ZMYM1: variants seen among roughly 807,000 people sequenced by gnomAD.
The protein encoded by ZMYM1 is zinc finger MYM-type protein 1.
Under a neutral mutation model 60.0 loss-of-function variants are expected in ZMYM1, and 39 were observed. The observed-to-expected ratio is 0.65, with a 90% CI of 0.50 to 0.85. The LOEUF (loss-of-function observed/expected upper bound fraction) is 0.85, where lower values mean the gene tolerates loss of function less well. ZMYM1 is among the 40% of genes least tolerant of loss of function. The pLI, the probability that ZMYM1 is intolerant of heterozygous loss-of-function variation, is 0.00. For missense variants in ZMYM1, 1,171 were observed against 1,309.5 expected (o/e 0.89, Z 1.63); for synonymous variants, 413 against 454.0 (o/e 0.91, Z 1.15).
Position 35,115,473 on chromosome 1 carries a change from TTC to T in ZMYM1, c.*216_*217del. On this transcript the variant is annotated 3_prime_UTR_variant, in exon 10 of 10. Transcript: ENST00000359858. ...AAGTGGTATTGTACGGTGTATACTGTTCTTCAGCTTGTCTTCTCTGTGTAACA... is the reference window on the plus strand; with the variant it reads ...AAGTGGTATTGTACGGTGTATACTGTTTCAGCTTGTCTTCTCTGTGTAACA... The T allele has an allele frequency of 2.9e-6, 1 of 346,426 alleles. No homozygotes were observed. Among genetic ancestry groups the T allele is most frequent in the Non-Finnish European group, 5.1e-6 (1 of 196,746 alleles). 21.5% of individuals were successfully genotyped at this position (346,426 alleles called of 1,614,324 possible).
intron 1 of ZMYM1, among the ~76,000 whole-genome samples, chr1:35,081,532 G>A (rs1385532155): frequency 2.0e-5 from 3 of 152,062 alleles, no homozygotes; most frequent in East Asian, 1.9e-4. Context: ...CCATCAATGA[G>A]CATTTATTTA....
intron 1 of ZMYM1, among the ~76,000 whole-genome samples, chr1:35,072,942 C>G (rs1642093320): frequency 6.6e-6 from 1 of 152,014 alleles, no homozygotes; most frequent in East Asian, 1.9e-4. Context: ...ATTAGCCAGG[C>G]ATTGTGGTGG....
intron 4 of ZMYM1, among the ~76,000 whole-genome samples, chr1:35,102,003 C>T (rs1029710884): frequency 8.6e-5 from 13 of 151,964 alleles, no homozygotes; most frequent in African/African-American, 2.4e-4. Flanking sequence ...TGAAAAATAC[C>T]CATATTTTTA....
In ZMYM1 at chr1:35,104,284, T is replaced by C. The variant is rs369492151; in HGVS notation, c.420-11T>C. The C allele has an allele frequency of 1.8e-5, 28 of 1,555,350 alleles. No homozygotes were observed. Among genetic ancestry groups the C allele is most frequent in the Non-Finnish European group, 2.3e-5 (27 of 1,155,180 alleles). Reference sequence around the variant, plus strand: ...AAACTGTTTAATGATGTCCTTGTTATTTATTCTTAGAGACATTTTAAATCC... The same window carrying C: ...AAACTGTTTAATGATGTCCTTGTTACTTATTCTTAGAGACATTTTAAATCC... On this transcript the variant is annotated splice_polypyrimidine_tract_variant and intron_variant, in intron 4 of 9. Coordinates refer to ENST00000359858, the MANE Select transcript of ZMYM1 (RefSeq NM_024772.5).
rs1370279636 is a variant in ZMYM1, at chr1:35,114,422, C to G, written c.2592C>G (p.Phe864Leu). Residue 864 changes from phenylalanine to leucine, a missense_variant, in exon 10 of 10, where the codon TTC becomes TTG. Coordinates refer to ENST00000359858, the MANE Select transcript of ZMYM1 (RefSeq NM_024772.5). ...SKFEFVFCLK[F>L]LYRVLSVTGI... ...TTGAATTTGTCTTTTGTTTGAAATT[C>G]CTGTATCGAGTGCTGAGTGTTACAG... is the stretch of plus-strand genomic sequence containing the variant. 8 of 1,613,428 alleles carry G rather than the reference C, an allele frequency of 5.0e-6. No homozygotes were observed. Among genetic ancestry groups the G allele is most frequent in the South Asian group, 4.4e-5 (4 of 91,006 alleles).
At chr1:35,090,667 C>G (rs1384931083) in intron 1 of ZMYM1, among the ~76,000 whole-genome samples, 1 of 152,196 alleles carries the variant, frequency 6.6e-6, no homozygotes, top group Non-Finnish European at 1.5e-5. Flanking sequence ...ACTTATTTGA[C>G]TGGGTGTGGT....
chr1:35,063,881 T>C (rs1389361898), intron 1 of ZMYM1, among the ~76,000 whole-genome samples: 5 of 152,268 alleles, frequency 3.3e-5, no homozygotes, highest in African/African-American at 1.2e-4. Context: ...GAGGTGGCAC[T>C]AAAAGAGAAG....
chr1:35,093,977 C>G lies in ZMYM1; in HGVS notation c.-11C>G. 1 of 1,584,782 alleles carries G rather than the reference C, an allele frequency of 6.3e-7. No individual in the cohort carries two copies. Among genetic ancestry groups the G allele is most frequent in the Non-Finnish European group, 8.6e-7 (1 of 1,164,974 alleles). On this transcript the variant is annotated 5_prime_UTR_variant, in exon 2 of 10. The change creates a new upstream start codon in the 5' untranslated region. Coordinates refer to ENST00000359858, the MANE Select transcript of ZMYM1 (RefSeq NM_024772.5). ...TTGGAACTGGAGAATTCCTTTGCATCAGATACTAAAATGAAAGAACCACTT... is the reference window on the plus strand; with the variant it reads ...TTGGAACTGGAGAATTCCTTTGCATGAGATACTAAAATGAAAGAACCACTT...
intron 1 of ZMYM1, among the ~76,000 whole-genome samples, chr1:35,085,735 C>T (rs947101209): frequency 1.3e-5 from 2 of 152,172 alleles, no homozygotes; most frequent in African/African-American, 4.8e-5. Flanking sequence ...AGCCACCTAG[C>T]TCTAATAGGG....
chr1:35,064,303 A>C (rs948310636), intron 1 of ZMYM1, among the ~76,000 whole-genome samples: 3 of 149,008 alleles, frequency 2.0e-5, no homozygotes, highest in Non-Finnish European at 4.4e-5. Flanking sequence ...AAAAAAAAAA[A>C]AAAAAAAAAA....
intron 7 of ZMYM1, among the ~76,000 whole-genome samples, chr1:35,111,134 T>G (rs1644072555): frequency 6.6e-6 from 1 of 152,190 alleles, no homozygotes; most frequent in African/African-American, 2.4e-5. Context: ...TAGCCCTGTT[T>G]TGTAAAAACA....
chr1:35,091,908 A>AAG (rs1553140295), intron 1 of ZMYM1, among the ~76,000 whole-genome samples: 1 of 150,964 alleles, frequency 6.6e-6, no homozygotes, highest in Admixed American at 6.6e-5. Flanking sequence ...AAAAAAAAAA[A>AAG]AGAGAAAAAG....
chr1:35,105,935 C>T (rs1051462380), intron 6 of ZMYM1, among the ~76,000 whole-genome samples: 1 of 152,080 alleles, frequency 6.6e-6, no homozygotes, highest in African/African-American at 2.4e-5. Flanking sequence ...TTAACTCTTA[C>T]ACCAAACAAT....
chr1:35,088,805 CTT>C (rs375136566), intron 1 of ZMYM1, among the ~76,000 whole-genome samples: 51 of 119,586 alleles, frequency 4.3e-4, no homozygotes, highest in Non-Finnish European at 6.7e-4. Context: ...GGATGCTTTC[CTT>C]TTTTTTTTTT....
At chr1:35,069,242 C>T (rs979246812) in intron 1 of ZMYM1, among the ~76,000 whole-genome samples, 4 of 152,152 alleles carry the variant, frequency 2.6e-5, no homozygotes, top group South Asian at 2.1e-4. Flanking sequence ...TTCTCCATAT[C>T]CTCATTGACA....
intron 1 of ZMYM1, among the ~76,000 whole-genome samples, chr1:35,084,250 CAT>C (rs1361335683): frequency 6.6e-6 from 1 of 151,218 alleles, no homozygotes; most frequent in Non-Finnish European, 1.5e-5. Context: ...TTTTCTCAAA[CAT>C]AACCAAGTCC....
rs138816716 is a variant in ZMYM1 at position 35,094,050 on chromosome 1, A to G, written c.63A>G (p.Leu21=). The change falls in exon 2 of 10, where the codon CTA becomes CTG. Residue 21 remains leucine (L), a synonymous_variant. Transcript: ENST00000359858. ...CAGTGGCATCACAGCTGGGGCTGCT[A>G]GATGAAATTAAGACAGAACCCGACA... ...DKAVASQLGL[L]DEIKTEPDNA... 22 of 1,611,546 alleles carry G rather than the reference A, an allele frequency of 1.4e-5. No homozygotes were observed. The African/African-American group carries it at 2.5e-4, about 19-fold the overall frequency.
intron 6 of ZMYM1, among the ~76,000 whole-genome samples, chr1:35,108,865 C>T (rs1643989410): frequency 6.6e-6 from 1 of 152,046 alleles, no homozygotes; most frequent in African/African-American, 2.4e-5. Context: ...CATGCGCCAC[C>T]ACACCTGGTT....
rs753824472 is a variant in ZMYM1, at chr1:35,114,478, C to T, written c.2648C>T (p.Thr883Ile). Reference sequence around the variant, plus strand: ...CTTTCCAAAGAGCTTCAAAATAAAACCATAGACATTTTTTCTTTGTCTTCA... The same window carrying T: ...CTTTCCAAAGAGCTTCAAAATAAAATCATAGACATTTTTTCTTTGTCTTCA... ...GILSKELQNK[T>I]IDIFSLSSKI... is the part of the protein sequence containing the mutation. The change falls in exon 10 of 10, where the codon ACC (threonine) becomes ATC (isoleucine). Residue 883 changes from threonine to isoleucine, a missense_variant. Transcript: ENST00000359858. 2.5e-6 allele frequency: 4 copies of T among 1,612,564 alleles called. No individual in the cohort carries two copies. Among genetic ancestry groups the T allele is most frequent in the Non-Finnish European group, 3.4e-6 (4 of 1,179,236 alleles).
Sources: gnomAD v4.1 joint callset for allele counts (sites outside exome capture counted in the v4.1 genomes callset) on GRCh38, gnomAD v4.1.1 for gene constraint, MANE v1.5 for transcripts, NCBI Gene and HGNC (gene_info 2026-07-23, HGNC 2026-07-21) for gene names.